Variants in VPS4A observed in about 807,000 individuals in gnomAD.
The protein encoded by VPS4A is vacuolar protein sorting-associated protein 4A.
A neutral mutation model predicts 52.3 loss-of-function variants in VPS4A; 20 were observed. The ratio of observed to expected loss-of-function variants is 0.38; its 90% CI spans 0.27 to 0.56. The LOEUF is 0.56. Among genes scored for constraint, VPS4A ranks in the 20% least tolerant of loss-of-function variants. The pLI is 0.72. For synonymous variants in VPS4A, 293 were observed against 227.7 expected (o/e 1.29, Z -2.58); for missense variants, 419 against 575.9 (o/e 0.73, Z 2.79).
chr16:69,317,245 G>T (rs572698807), intron 3 of VPS4A, among the ~76,000 whole-genome samples: 1 of 130,984 alleles, frequency 7.6e-6, no homozygotes, highest in Non-Finnish European at 1.7e-5. Context: ...TAGCCCTGGG[G>T]TGACAGTGGC....
At chr16:69,319,225 C>G (rs1965478939) in intron 5 of VPS4A, among the ~76,000 whole-genome samples, 162 bp from the exon 6 acceptor site, 1 of 151,040 alleles carries the variant, frequency 6.6e-6, no homozygotes, top group African/African-American at 2.4e-5. Context: ...GGTCATAGCA[C>G]AGGGCACAGC....
chr16:69,324,216 G>C lies in VPS4A; in HGVS notation c.1221G>C (p.Met407Ile), dbSNP rs1304085099. Residue 407 changes from methionine (M) to isoleucine (I), a missense_variant, in exon 11 of 11, where the codon ATG (methionine) becomes ATC (isoleucine). Met to Ile is a conservative substitution (Grantham distance 10). Transcript: ENST00000254950. Reference protein sequence around the residue: ...LLEPVVCMSDMLRSLATTRPT... With the variant: ...LLEPVVCMSDILRSLATTRPT... ...TACTGTTGCCTTCACAGTCGGACAT[G>C]CTGCGGTCTCTGGCCACCACCCGGC... 3 of 1,613,218 alleles carry C rather than the reference G, an allele frequency of 1.9e-6. No homozygotes were observed. Among genetic ancestry groups the C allele is most frequent in the African/African-American group, 1.3e-5 (1 of 74,936 alleles).
rs1965604802 is a variant in VPS4A at position 69,326,794 on chromosome 16, T to C, written c.*2485T>C. On this transcript the variant is annotated 3_prime_UTR_variant, in exon 11 of 11. Transcript: ENST00000254950. ...GGGATTCTGTTATAAACCTTCTGCCTACATTGGCTTTCACTGTGGAAGTTG... is the reference window on the plus strand; with the variant it reads ...GGGATTCTGTTATAAACCTTCTGCCCACATTGGCTTTCACTGTGGAAGTTG... 6.6e-6 allele frequency: 1 copy of C among 152,270 alleles called. No individual in the cohort carries two copies. The highest frequency in any genetic ancestry group is 6.5e-5 in the Admixed American group (1 of 15,286). 9.4% of individuals were successfully genotyped at this position (152,270 alleles called of 1,614,324 possible).
At position 69,320,014 on chromosome 16, in the gene VPS4A, T is replaced by C; in HGVS notation, c.621-127T>C. 3.0e-6 allele frequency: 4 copies of C among 1,323,640 alleles called. No individual in the cohort carries two copies. The highest frequency in any genetic ancestry group is 4.1e-6 in the Non-Finnish European group (4 of 979,892). The allele number at this position is 1,323,640 out of a possible 1,614,324, so 82.0% of individuals were successfully genotyped here. On this transcript the variant is annotated intron_variant, in intron 6 of 10. Coordinates refer to ENST00000254950, the MANE Select transcript of VPS4A (RefSeq NM_013245.3). This position sits in a 1 kb window ranked among gnomAD's most constrained non-coding sequence, Gnocchi z 4.2. ...CCCGAGGGCTCCTCACCACCACGTTTTCCGCAATTCCGGCATGACCGTGGC... is the reference window on the plus strand; with the variant it reads ...CCCGAGGGCTCCTCACCACCACGTTCTCCGCAATTCCGGCATGACCGTGGC...
chr16:69,318,671 G>A lies in VPS4A; in HGVS notation c.303G>A (p.Gly101=). The part of the protein sequence containing the change: ...EGKGSDSDSE[G]DNPEKKKLQE... The stretch of plus-strand genomic sequence containing the variant: ...CCAGCAGTGACAGTGACAGTGAAGG[G>A]GATAATCCGGAGAAAAAGAAACTGC... Residue 101 remains glycine (G), a synonymous_variant, in exon 4 of 11, where the codon GGG becomes GGA. Transcript: ENST00000254950. 6.2e-7 allele frequency: 1 copy of A among 1,612,566 alleles called. No homozygotes were observed. Among genetic ancestry groups the A allele is most frequent in the South Asian group, 1.1e-5 (1 of 90,970 alleles).
chr16:69,314,721 G>A (rs774804199), intron 1 of VPS4A, among the ~76,000 whole-genome samples: 5 of 152,006 alleles, frequency 3.3e-5, no homozygotes, highest in Non-Finnish European at 5.9e-5. Flanking sequence ...TGTTTCTTTC[G>A]GAGACTTCTT....
chr16:69,319,043 G>C lies in VPS4A; in HGVS notation c.463+101G>C, dbSNP rs1347594533. 2.0e-6 allele frequency: 3 copies of C among 1,511,042 alleles called. No homozygotes were observed. The East Asian group carries it at 6.8e-5, about 34-fold the overall frequency. The allele number at this position is 1,511,042 out of a possible 1,614,324, so 93.6% of individuals were successfully genotyped here. Reference sequence around the variant, plus strand: ...GAGTCAGTGGCGACTCAGCCCCCGGGGCCTGCAGAGGGCCAGGCCTGGCTG... The same window carrying C: ...GAGTCAGTGGCGACTCAGCCCCCGGCGCCTGCAGAGGGCCAGGCCTGGCTG... On this transcript the variant is annotated intron_variant, in intron 5 of 10. Coordinates refer to ENST00000254950, the MANE Select transcript of VPS4A (RefSeq NM_013245.3).
rs754513167 is a variant in VPS4A, at chr16:69,316,058, C to T, written c.72C>T (p.Asn24=). 6.2e-7 allele frequency: 1 copy of T among 1,613,468 alleles called. No individual in the cohort carries two copies. The highest frequency in any genetic ancestry group is 8.5e-7 in the Non-Finnish European group (1 of 1,179,888). Residue 24 remains asparagine, a synonymous_variant, in exon 2 of 11, where the codon AAC becomes AAT. Transcript: ENST00000254950. ...CCACAGAGGAGGACAAAGCCAAGAA[C>T]TACGAGGAGGCGCTGCGGCTGTACC... is the stretch of plus-strand genomic sequence containing the variant. ...TKATEEDKAK[N]YEEALRLYQH...
In VPS4A at chr16:69,320,738, C is replaced by G; in HGVS notation, c.820C>G (p.Pro274Ala). ...GTLVLGATNI[P>A]WVLDSAIRRR... Reference sequence around the variant, plus strand: ...TCTGGTTCTTGGAGCCACAAACATCCCATGGGTGTTGGATTCGGCCATCAG... The same window carrying G: ...TCTGGTTCTTGGAGCCACAAACATCGCATGGGTGTTGGATTCGGCCATCAG... The change falls in exon 8 of 11, where the codon CCA becomes GCA. Residue 274 changes from proline (P) to alanine (A), a missense_variant. By Grantham distance (27) the Pro-to-Ala change is conservative (BLOSUM62 -1). This residue lies in a region of VPS4A where 103 missense variants were observed against 210.3 expected (regional missense o/e 0.49). Transcript: ENST00000254950. The surrounding 1 kb of genome is among the most constrained non-coding windows in gnomAD (Gnocchi z 4.2). 1 of 1,608,976 alleles carries G rather than the reference C, an allele frequency of 6.2e-7. No homozygotes were observed. The highest frequency in any genetic ancestry group is 8.5e-7 in the Non-Finnish European group (1 of 1,177,792).
chr16:69,323,974 G>GT (rs1965550653), intron 10 of VPS4A, among the ~76,000 whole-genome samples: 1 of 146,324 alleles, frequency 6.8e-6, no homozygotes, highest in South Asian at 2.2e-4. Flanking sequence ...AAGAAAGCAA[G>GT]TTCGTAAGGG....
intron 1 of VPS4A, among the ~76,000 whole-genome samples, chr16:69,312,813 G>C (rs373382245): frequency 5.9e-5 from 9 of 151,446 alleles, no homozygotes; most frequent in African/African-American, 2.2e-4. Flanking sequence ...GGGTTTCACC[G>C]TGTTGGCCAG....
At position 69,320,454 on chromosome 16, in the gene VPS4A, G is replaced by A. The variant is rs1057246069; in HGVS notation, c.769+165G>A. On this transcript the variant is annotated intron_variant, in intron 7 of 10. Coordinates refer to ENST00000254950, the MANE Select transcript of VPS4A (RefSeq NM_013245.3). This position sits in a 1 kb window ranked among gnomAD's most constrained non-coding sequence, Gnocchi z 4.2. ...GGACTTCAATTCCCAAGAGGTGCCTGAGGCCTCTGCCTCACGGGCCACTCC... is the reference window on the plus strand; with the variant it reads ...GGACTTCAATTCCCAAGAGGTGCCTAAGGCCTCTGCCTCACGGGCCACTCC... 1.9e-6 allele frequency: 2 copies of A among 1,061,738 alleles called. No individual in the cohort carries two copies. The highest frequency in any genetic ancestry group is 2.7e-6 in the Non-Finnish European group (2 of 747,958). 65.8% of individuals were successfully genotyped at this position (1,061,738 alleles called of 1,614,324 possible).
In VPS4A at chr16:69,318,970, A is replaced by G. The variant is rs568179827; in HGVS notation, c.463+28A>G. The G allele has an allele frequency of 9.3e-5, 149 of 1,605,244 alleles. No individual in the cohort carries two copies. The Admixed American group carries it at 1.2e-3, about 13-fold the overall frequency. ...GAGAGTTGAGCCATTTCAAACCCCAATGTAAAAATTCCAGGCTTCCGCAGG... is the reference window on the plus strand; with the variant it reads ...GAGAGTTGAGCCATTTCAAACCCCAGTGTAAAAATTCCAGGCTTCCGCAGG... On this transcript the variant is annotated intron_variant, in intron 5 of 10. Coordinates refer to ENST00000254950, the MANE Select transcript of VPS4A (RefSeq NM_013245.3).
chr16:69,319,558 A>C lies in VPS4A; in HGVS notation c.620+15A>C, dbSNP rs755814424. On this transcript the variant is annotated intron_variant, in intron 6 of 10. Coordinates refer to ENST00000254950, the MANE Select transcript of VPS4A (RefSeq NM_013245.3). Reference sequence around the variant, plus strand: ...GAGAGTGAAAAGTAAGTCGGCCACCAGGCCATGCTCTGCCAGCAGCCCCGG... The same window carrying C: ...GAGAGTGAAAAGTAAGTCGGCCACCCGGCCATGCTCTGCCAGCAGCCCCGG... 1.1e-5 allele frequency: 17 copies of C among 1,605,986 alleles called. No homozygotes were observed. The African/African-American group carries it at 2.1e-4, about 20-fold the overall frequency.
At chr16:69,319,915 A>G (rs16958737) in intron 6 of VPS4A, among the ~76,000 whole-genome samples, 2,621 of 152,288 alleles carry the variant, frequency 0.017, 75 homozygotes, top group African/African-American at 0.059. Flanking sequence ...GAGCTAGCGC[A>G]TGGGGCTCCT....
At chr16:69,322,183 C>G (rs1324908464) in intron 9 of VPS4A, 1 of 168,780 alleles carries the variant, frequency 5.9e-6, no homozygotes, top group African/African-American at 2.4e-5. Context: ...CGGGAAAGAC[C>G]AGCCCCCATG....
chr16:69,311,388 C>T lies in VPS4A; in HGVS notation c.-124C>T. On this transcript the variant is annotated 5_prime_UTR_variant, in exon 1 of 11. Transcript: ENST00000254950. ...GCTCCCGCTGCGAGCGGCCGCCCTG[C>T]CCGCGCACCGCGCTCAGCGCCCACC... 2.0e-5 allele frequency: 22 copies of T among 1,099,100 alleles called. No homozygotes were observed. Among genetic ancestry groups the T allele is most frequent in the Non-Finnish European group, 2.5e-5 (22 of 863,702 alleles). 68.1% of individuals were successfully genotyped at this position (1,099,100 alleles called of 1,614,324 possible).
At position 69,318,831 on chromosome 16, in the gene VPS4A, G is replaced by A. The variant is rs746652806; in HGVS notation, c.352G>A (p.Val118Met). 2.5e-6 allele frequency: 4 copies of A among 1,613,136 alleles called. No individual in the cohort carries two copies. The highest frequency in any genetic ancestry group is 2.2e-5 in the South Asian group (2 of 91,048). Residue 118 changes from valine (V) to methionine (M), a missense_variant, in exon 5 of 11, where the codon GTG becomes ATG. Transcript: ENST00000254950. ...KLQEQLMGAVVMEKPNIRWND... is the reference protein window; with the variant it reads ...KLQEQLMGAVMMEKPNIRWND... ...CGGCCTCCCTCTCGCAGGTGCCGTC[G>A]TGATGGAGAAGCCCAACATACGGTG...
At chr16:69,316,170 G>A in intron 2 of VPS4A, 51 bp downstream of exon 2, 1 of 1,612,540 alleles carries the variant, frequency 6.2e-7, no homozygotes, top group Non-Finnish European at 8.5e-7. Context: ...GGGGAGCGGA[G>A]GAGAGGGGGT....
Sources: allele counts gnomAD v4.1 joint callset (sites outside exome capture counted in the v4.1 genomes callset), GRCh38; gene constraint gnomAD v4.1.1; regional missense constraint gnomAD v4.1.1; non-coding constraint Gnocchi (gnomAD v3.1); transcripts MANE v1.5; gene names NCBI Gene and HGNC (gene_info 2026-07-23, HGNC 2026-07-21).